Variants in BTBD7 observed in about 807,000 individuals in gnomAD.
BTBD7 encodes the protein BTB/POZ domain-containing protein 7.
BTBD7 carries 38 observed loss-of-function variants against 99.9 expected under a neutral mutation model. That is an observed-to-expected ratio of 0.38 (90% CI 0.29 to 0.50). The LOEUF is 0.50. Ranked by LOEUF, BTBD7 falls within the 20% of genes least tolerant of loss-of-function variation. The pLI, the probability that BTBD7 is intolerant of heterozygous loss-of-function variation, is 0.93. For synonymous variants in BTBD7, 520 were observed against 511.4 expected, an observed-to-expected ratio of 1.02 and a Z score of -0.23; for missense variants, 1,170 against 1,394.6, an observed-to-expected ratio of 0.84 and a Z score of 2.57.
chr14:93,275,817 T>C (rs1214477978), intron 3 of BTBD7, among the ~76,000 whole-genome samples: 3 of 152,238 alleles, frequency 2.0e-5, no homozygotes, highest in East Asian at 1.9e-4. Context: ...CATAACCTTA[T>C]AGGACCACTG....
chr14:93,294,214 C>T lies in BTBD7; in HGVS notation c.806G>A (p.Cys269Tyr). The change falls in exon 3 of 11, where the codon TGT becomes TAT. Residue 269 changes from cysteine (C) to tyrosine (Y), a missense_variant. Around this residue, in one of 4 missense-constraint regions of BTBD7, gnomAD observed 359 missense variants for 497.9 expected, o/e 0.72. Coordinates refer to ENST00000334746, the MANE Select transcript of BTBD7 (RefSeq NM_001002860.4). Reference protein sequence around the residue: ...LVEAFGGNQNCLDEELKAHKA... With the variant: ...LVEAFGGNQNYLDEELKAHKA... ...GTGGGCTTTGAGCTCTTCATCTAAA[C>T]AGTTCTGATTTCCACCAAAAGCTTC... 6.2e-7 allele frequency: 1 copy of T among 1,613,986 alleles called. No individual in the cohort carries two copies. Among genetic ancestry groups the T allele is most frequent in the Non-Finnish European group, 8.5e-7 (1 of 1,179,988 alleles).
intron 1 of BTBD7, among the ~76,000 whole-genome samples, chr14:93,322,372 G>A (rs1672317663): frequency 6.6e-6 from 1 of 151,972 alleles, no homozygotes; most frequent in Non-Finnish European, 1.5e-5. Context: ...TTTTGCCTTG[G>A]CCTCCTAAAG....
At chr14:93,316,911 A>G (rs1257967683) in intron 1 of BTBD7, among the ~76,000 whole-genome samples, 1 of 152,192 alleles carries the variant, frequency 6.6e-6, no homozygotes, top group Non-Finnish European at 1.5e-5. Flanking sequence ...GGGAAAAAAA[A>G]CGTGAGATGA....
At chr14:93,325,976 T>C (rs974910497) in intron 1 of BTBD7, among the ~76,000 whole-genome samples, 1 of 152,158 alleles carries the variant, frequency 6.6e-6, no homozygotes, top group Non-Finnish European at 1.5e-5. Flanking sequence ...TTATTTGAAA[T>C]AGTAAGGGTA....
intron 3 of BTBD7, among the ~76,000 whole-genome samples, chr14:93,292,687 CCA>C (rs2052872883): frequency 6.6e-6 from 1 of 152,068 alleles, no homozygotes; most frequent in Non-Finnish European, 1.5e-5. Context: ...ACTATGCTGC[CCA>C]GAGTACAGTG....
rs574330891 is a variant in BTBD7, at chr14:93,303,841, C to G, written c.-106-7684G>C. The stretch of plus-strand genomic sequence containing the variant: ...GAGGGCTGAAACGGCCTCCCCACCC[C>G]CCACCAGAGGAAGGCCTGACTCTAG... On this transcript the variant is annotated intron_variant, in intron 1 of 10. Transcript: ENST00000334746. 4.0e-4 allele frequency among the ~76,000 whole-genome samples: 61 copies of G among 152,350 alleles called. No individual in the cohort carries two copies. In the East Asian group the frequency reaches 0.011, roughly 28 times the overall value.
intron 3 of BTBD7, among the ~76,000 whole-genome samples, chr14:93,265,033 G>T (rs2052526996): frequency 6.6e-6 from 1 of 152,192 alleles, no homozygotes; most frequent in African/African-American, 2.4e-5. Context: ...AGGTTGCAGT[G>T]AGCTGAAATT....
intron 3 of BTBD7, among the ~76,000 whole-genome samples, chr14:93,268,333 A>T (rs11628953): frequency 0.041 from 6,207 of 151,992 alleles, 170 homozygotes; most frequent in African/African-American, 0.078. Context: ...ACAGCACAAA[A>T]CTCTCATACT....
At chr14:93,261,574 C>T in intron 5 of BTBD7, 28 bp downstream of exon 5, 1 of 1,547,194 alleles carries the variant, frequency 6.5e-7, no homozygotes, top group Non-Finnish European at 8.9e-7. Context: ...CACAAGGTAA[C>T]TAGTGCAAGC....
At chr14:93,288,722 G>C in intron 3 of BTBD7, 1 of 1,606,184 alleles carries the variant, frequency 6.2e-7, no homozygotes, top group Non-Finnish European at 8.5e-7. Flanking sequence ...AAAACAAATG[G>C]AAGGCAAGCT....
intron 2 of BTBD7, among the ~76,000 whole-genome samples, chr14:93,295,555 T>C (rs943183277): frequency 3.9e-5 from 6 of 152,356 alleles, no homozygotes; most frequent in South Asian, 2.1e-4. Context: ...CATGGGTTTT[T>C]AGGAATGAAA....
rs1355514986 is a variant in BTBD7, at chr14:93,242,450, T to A, written c.3222A>T (p.Ser1074=). The A allele has an allele frequency of 1.2e-6, 2 of 1,614,202 alleles. No individual in the cohort carries two copies. The highest frequency in any genetic ancestry group is 2.2e-5 in the East Asian group (1 of 44,886). Reference sequence around the variant, plus strand: ...GAGCTTCAGAGCTACATGCAGAAAGTGAAGGTCTGTTAGGAGTCAGCCCAA... The same window carrying A: ...GAGCTTCAGAGCTACATGCAGAAAGAGAAGGTCTGTTAGGAGTCAGCCCAA... The part of the protein sequence containing the change: ...LTFGLTPNRP[S]LSACSSEAPE... Residue 1074 remains serine, a synonymous_variant, in exon 11 of 11, where the codon TCA becomes TCT. Coordinates refer to ENST00000334746, the MANE Select transcript of BTBD7 (RefSeq NM_001002860.4).
chr14:93,269,204 T>C (rs1255520368), intron 3 of BTBD7, among the ~76,000 whole-genome samples: 1 of 152,206 alleles, frequency 6.6e-6, no homozygotes, highest in Non-Finnish European at 1.5e-5. Flanking sequence ...AACTGGAATG[T>C]TGGTAAAAAG....
intron 1 of BTBD7, among the ~76,000 whole-genome samples, chr14:93,319,299 C>G (rs1427742480): frequency 6.6e-6 from 1 of 152,114 alleles, no homozygotes; most frequent in Non-Finnish European, 1.5e-5. Context: ...GAAATATAGG[C>G]AAGGAGATTT....
chr14:93,331,005 T>C lies in BTBD7; in HGVS notation c.-107+1815A>G, dbSNP rs534667688. ...TGACCTATGAGTTTTACTGAATTCA[T>C]GCAAGAATGAGCCATGCTAAAACTG... On this transcript the variant is annotated intron_variant, in intron 1 of 10. Coordinates refer to ENST00000334746, the MANE Select transcript of BTBD7 (RefSeq NM_001002860.4). 1.1e-4 allele frequency among the ~76,000 whole-genome samples: 17 copies of C among 152,248 alleles called. 1 individual carries two copies. The highest frequency in any genetic ancestry group is 3.4e-4 in the African/African-American group (14 of 41,540).
intron 2 of BTBD7, among the ~76,000 whole-genome samples, chr14:93,295,568 T>C (rs1040808283): frequency 6.6e-6 from 1 of 152,208 alleles, no homozygotes; most frequent in African/African-American, 2.4e-5. Context: ...GAATGAAAAA[T>C]AGGCAGAGTT....
chr14:93,288,218 T>C, intron 3 of BTBD7: 1 of 352,850 alleles, frequency 2.8e-6, no homozygotes, highest in Non-Finnish European at 5.0e-6. Flanking sequence ...ATTTCTTATA[T>C]TACTCCTTAG....
chr14:93,327,391 G>C (rs2053345772), intron 1 of BTBD7, among the ~76,000 whole-genome samples: 1 of 152,102 alleles, frequency 6.6e-6, no homozygotes, highest in African/African-American at 2.4e-5. Context: ...TTTGAGTAAT[G>C]TCAGTCTTCC....
intron 1 of BTBD7, among the ~76,000 whole-genome samples, chr14:93,303,093 C>CAA (rs1317808882): frequency 6.6e-6 from 1 of 152,122 alleles, no homozygotes; most frequent in Non-Finnish European, 1.5e-5. Flanking sequence ...GAACAAAGCA[C>CAA]AGAGTAGTAA....
Sources: allele counts gnomAD v4.1 joint callset (sites outside exome capture counted in the v4.1 genomes callset), GRCh38; gene constraint gnomAD v4.1.1; regional missense constraint gnomAD v4.1.1; transcripts MANE v1.5; gene names NCBI Gene and HGNC (gene_info 2026-07-23, HGNC 2026-07-21).